PDSS2: variants seen among roughly 807,000 people sequenced by gnomAD.
PDSS2 encodes decaprenyl diphosphate synthase subunit 2, also known as all trans-polyprenyl-diphosphate synthase PDSS2.
PDSS2 carries 31 observed loss-of-function variants against 44.5 expected under a neutral mutation model. The observed-to-expected ratio is 0.70, with a 90% CI of 0.52 to 0.94. The LOEUF is 0.94. PDSS2 is among the 40% of genes least tolerant of loss of function. The probability of loss-of-function intolerance (pLI) is 0.00; values close to 1 mark genes in which losing one functional copy is unlikely to be tolerated. For missense variants in PDSS2, 452 were observed against 482.2 expected, an observed-to-expected ratio of 0.94 and a Z score of 0.59; for synonymous variants, 157 against 180.3, an observed-to-expected ratio of 0.87 and a Z score of 1.03.
intron 1 of PDSS2, among the ~76,000 whole-genome samples, chr6:107,374,443 C>G (rs1779221621): frequency 6.6e-6 from 1 of 152,106 alleles, no homozygotes; most frequent in Admixed American, 6.5e-5. Context: ...TTATTTAGTT[C>G]AATTCCTAAG....
At chr6:107,428,493 G>A (rs1329881618) in intron 1 of PDSS2, among the ~76,000 whole-genome samples, 3 of 152,126 alleles carry the variant, frequency 2.0e-5, no homozygotes, top group South Asian at 2.1e-4. Flanking sequence ...ACTTATTGAA[G>A]GCTTTCTGTA....
At chr6:107,328,210 G>A (rs747786436) in intron 2 of PDSS2, among the ~76,000 whole-genome samples, 7 of 152,158 alleles carry the variant, frequency 4.6e-5, no homozygotes, top group African/African-American at 7.2e-5. Flanking sequence ...TGTTCTAAGG[G>A]TTCTCGATGT....
chr6:107,212,369 C>A, intron 4 of PDSS2, 87 bp from the exon 5 acceptor site: 1 of 1,098,144 alleles, frequency 9.1e-7, no homozygotes. Context: ...AGTTAAGAAA[C>A]GAACTATTCA....
At chr6:107,248,406 C>T (rs1582843656) in intron 3 of PDSS2, among the ~76,000 whole-genome samples, 1 of 149,938 alleles carries the variant, frequency 6.7e-6, no homozygotes, top group Non-Finnish European at 1.5e-5. Flanking sequence ...GTTTCTCAGG[C>T]CCATGGGGCA....
At chr6:107,338,085 AAAAAC>A (rs1381920347) in intron 1 of PDSS2, among the ~76,000 whole-genome samples, 1 of 152,228 alleles carries the variant, frequency 6.6e-6, no homozygotes, top group African/African-American at 2.4e-5. Context: ...ACACTCTTAA[AAAAAC>A]AGTACTGAAA....
At chr6:107,455,953 CAA>C (rs1207464357) in intron 1 of PDSS2, among the ~76,000 whole-genome samples, 1 of 151,978 alleles carries the variant, frequency 6.6e-6, no homozygotes, top group Non-Finnish European at 1.5e-5. Context: ...ACATGAACAC[CAA>C]AAGATATGCA....
chr6:107,359,007 C>CTTTTTTTTTTTTTTTTTTTTTTTTTTTT (rs59632305), intron 1 of PDSS2, among the ~76,000 whole-genome samples: 1 of 93,056 alleles, frequency 1.1e-5, no homozygotes, highest in African/African-American at 4.2e-5. Context: ...CATTCTCGCT[C>CTTTTTTTTTTTTTTTTTTTTTTTTTTTT]TTTTTTTTTT....
chr6:107,158,164 G>T (rs1289104453), intron 7 of PDSS2, among the ~76,000 whole-genome samples: 2 of 149,626 alleles, frequency 1.3e-5, no homozygotes, highest in East Asian at 2.0e-4. Context: ...GCAGAGTAGA[G>T]ATCAGAAGCC....
Position 107,414,958 on chromosome 6 carries a change from A to C in PDSS2, c.296+44032T>G, listed in dbSNP as rs1208185994. On this transcript the variant is annotated intron_variant, in intron 1 of 7. Coordinates refer to ENST00000369037, the MANE Select transcript of PDSS2 (RefSeq NM_020381.4). ...GTAGAGAATCACAGGGAATTGGGGCATGGCACTCAAGGGGCATAATCATAG... is the reference window on the plus strand; with the variant it reads ...GTAGAGAATCACAGGGAATTGGGGCCTGGCACTCAAGGGGCATAATCATAG... 5.3e-5 allele frequency among the ~76,000 whole-genome samples: 8 copies of C among 152,316 alleles called. No individual in the cohort carries two copies. The South Asian group carries it at 8.3e-4, about 16-fold the overall frequency.
intron 4 of PDSS2, among the ~76,000 whole-genome samples, chr6:107,213,174 T>G (rs9791325): frequency 0.76 from 115,509 of 151,344 alleles, 44,835 homozygotes; most frequent in East Asian, 0.99. Context: ...CACACCAAGT[T>G]AATTTTTTGT....
intron 1 of PDSS2, among the ~76,000 whole-genome samples, chr6:107,367,968 T>G (rs553914447): frequency 1.3e-5 from 2 of 151,922 alleles, no homozygotes; most frequent in African/African-American, 2.4e-5. Flanking sequence ...GATTGATATA[T>G]TAAAAAACTA....
At chr6:107,295,249 A>T (rs1772390729) in intron 2 of PDSS2, among the ~76,000 whole-genome samples, 2 of 152,216 alleles carry the variant, frequency 1.3e-5, no homozygotes. Flanking sequence ...TGTTCTTAAC[A>T]TCTGTTATAC....
intron 1 of PDSS2, among the ~76,000 whole-genome samples, chr6:107,388,694 G>A (rs1395650004): frequency 6.6e-6 from 1 of 152,102 alleles, no homozygotes; most frequent in African/African-American, 2.4e-5. Context: ...TTCTGACGTC[G>A]TGATCCACCC....
rs571134347 is a variant in PDSS2, at chr6:107,375,725, A to C, written c.297-41393T>G. Among the ~76,000 whole-genome samples the C allele has an allele frequency of 3.6e-4, 55 of 152,336 alleles. No homozygotes were observed. In the South Asian group the frequency reaches 9.7e-3, roughly 27 times the overall value. ...ACCCTGAGACTAAAACCAGAAAGAG[A>C]CATTACAGGAAAATTATTAAACAAT... is the stretch of plus-strand genomic sequence containing the variant. On this transcript the variant is annotated intron_variant, in intron 1 of 7. Transcript: ENST00000369037.
At chr6:107,255,726 G>A (rs1216878469) in intron 3 of PDSS2, among the ~76,000 whole-genome samples, 1 of 152,110 alleles carries the variant, frequency 6.6e-6, no homozygotes, top group Non-Finnish European at 1.5e-5. Context: ...AAAATGTTAT[G>A]TATAGTTCAT....
At chr6:107,257,487 C>A (rs1337570352) in intron 3 of PDSS2, among the ~76,000 whole-genome samples, 2 of 150,028 alleles carry the variant, frequency 1.3e-5, no homozygotes, top group Non-Finnish European at 3.0e-5. Context: ...CAGTGAGTGA[C>A]AATAGCCCCA....
Position 107,334,331 on chromosome 6 carries a change from C to T in PDSS2, c.298G>A (p.Gly100Arg). The T allele has an allele frequency of 6.2e-7, 1 of 1,613,422 alleles. No homozygotes were observed. Among genetic ancestry groups the T allele is most frequent in the South Asian group, 1.1e-5 (1 of 91,064 alleles). Residue 100 changes from glycine to arginine, a missense_variant and splice_region_variant, in exon 2 of 8, where the codon GGG becomes AGG. Gly to Arg is a moderately radical substitution (Grantham distance 125). Coordinates refer to ENST00000369037, the MANE Select transcript of PDSS2 (RefSeq NM_020381.4). ...CTATTCCAGCTGTCATGTACAAGCC[C>T]CCTGCCAACAAGCAAAGAAGGAAGA... ...TQHPLLTTAR[G>R]LVHDSWNSLQ...
intron 1 of PDSS2, among the ~76,000 whole-genome samples, chr6:107,437,652 T>C (rs568688427): frequency 3.3e-4 from 50 of 152,010 alleles, no homozygotes; most frequent in African/African-American, 1.2e-3. Flanking sequence ...AAATCAGCCC[T>C]GTGGGAGCCT....
chr6:107,229,243 A>G (rs935016153), intron 4 of PDSS2, among the ~76,000 whole-genome samples: 31 of 152,028 alleles, frequency 2.0e-4, no homozygotes, highest in Non-Finnish European at 4.4e-5. Context: ...CTGGAGTGCA[A>G]TGGCGTGATC....
Sources: allele counts gnomAD v4.1 joint callset (sites outside exome capture counted in the v4.1 genomes callset), GRCh38; gene constraint gnomAD v4.1.1; transcripts MANE v1.5; gene names NCBI Gene and HGNC (gene_info 2026-07-23, HGNC 2026-07-21).